Variants in LRMDA observed in about 807,000 individuals in gnomAD.
LRMDA encodes the protein leucine rich melanocyte differentiation associated.
Under a neutral mutation model 29.8 loss-of-function variants are expected in LRMDA, and 18 were observed. That is an observed-to-expected ratio of 0.60 (90% CI 0.42 to 0.90). LRMDA has a LOEUF of 0.90. LRMDA is among the 40% of genes least tolerant of loss of function. LRMDA has a pLI of 0.00. For missense variants in LRMDA, 273 were observed against 273.9 expected, an observed-to-expected ratio of 1.00 and a Z score of 0.02; for synonymous variants, 125 against 109.4, an observed-to-expected ratio of 1.14 and a Z score of -0.89.
chr10:76,467,629 C>T (rs1842577172), intron 6 of LRMDA, among the ~76,000 whole-genome samples: 1 of 152,154 alleles, frequency 6.6e-6, no homozygotes, highest in African/African-American at 2.4e-5. Context: ...TTCTGAATTT[C>T]AGCCTTTGTA....
chr10:76,556,522 T>A (rs1302124614), intron 6 of LRMDA: 1 of 152,128 alleles, frequency 6.6e-6, no homozygotes, highest in Non-Finnish European at 1.5e-5. Context: ...CAGCTAATTT[T>A]TTTAATATTT....
chr10:76,317,701 G>C (rs1343945349), intron 5 of LRMDA, among the ~76,000 whole-genome samples: 1 of 152,126 alleles, frequency 6.6e-6, no homozygotes, highest in Admixed American at 6.5e-5. Flanking sequence ...AGCCTACCAA[G>C]TAACTGGAAC....
intron 6 of LRMDA, among the ~76,000 whole-genome samples, chr10:76,406,680 G>A (rs1158053216): frequency 6.6e-6 from 1 of 152,094 alleles, no homozygotes; most frequent in Non-Finnish European, 1.5e-5. Context: ...GATTCAGGGT[G>A]GGTTGTCAGG....
intron 6 of LRMDA, among the ~76,000 whole-genome samples, chr10:76,435,326 A>G (rs74701553): frequency 1.2e-4 from 19 of 152,216 alleles, no homozygotes; most frequent in African/African-American, 4.3e-4. Flanking sequence ...GTCCTTCCCA[A>G]TGTTCTCACC....
chr10:76,332,014 A>G (rs1187467148), intron 6 of LRMDA, among the ~76,000 whole-genome samples: 1 of 152,194 alleles, frequency 6.6e-6, no homozygotes, highest in Non-Finnish European at 1.5e-5. Flanking sequence ...CTTTCCTTTG[A>G]TTCTAGACCT....
chr10:76,363,759 T>C (rs568154498), intron 6 of LRMDA, among the ~76,000 whole-genome samples: 2 of 152,230 alleles, frequency 1.3e-5, no homozygotes, highest in South Asian at 4.1e-4. Flanking sequence ...AAGGCGAAGT[T>C]ATTTATTCTT....
intron 2 of LRMDA, among the ~76,000 whole-genome samples, chr10:75,868,637 C>A (rs1044612327): frequency 2.6e-5 from 4 of 152,084 alleles, no homozygotes; most frequent in African/African-American, 9.7e-5. Context: ...TTTTCACTTT[C>A]TTAGACTCTG....
At chr10:75,616,240 T>C (rs546496602) in intron 2 of LRMDA, among the ~76,000 whole-genome samples, 1,845 of 146,750 alleles carry the variant, frequency 0.013, 34 homozygotes, top group African/African-American at 0.045. Context: ...ATAGTAGCAG[T>C]AGCAGCAGTA....
chr10:75,684,605 C>T (rs938811106), intron 2 of LRMDA, among the ~76,000 whole-genome samples: 2 of 152,192 alleles, frequency 1.3e-5, no homozygotes, highest in East Asian at 1.9e-4. Context: ...ATGAAGACTC[C>T]CTTCCAGCCT....
At chr10:76,554,223 C>T (rs1365449615) in intron 6 of LRMDA, among the ~76,000 whole-genome samples, 1 of 152,174 alleles carries the variant, frequency 6.6e-6, no homozygotes, top group Non-Finnish European at 1.5e-5. Context: ...GTTAGAGCCG[C>T]AGGCAGCGTT....
intron 5 of LRMDA, among the ~76,000 whole-genome samples, chr10:76,320,748 T>C (rs941857607): frequency 3.3e-5 from 5 of 152,218 alleles, no homozygotes; most frequent in African/African-American, 1.2e-4. Context: ...CTTCTTTAAA[T>C]GAAAGAAAGA....
intron 5 of LRMDA, among the ~76,000 whole-genome samples, chr10:76,154,176 G>A (rs1171909176): frequency 6.6e-6 from 1 of 152,018 alleles, no homozygotes; most frequent in African/African-American, 2.4e-5. Context: ...CTCTTGTTCA[G>A]CTTAATGCTT....
At chr10:76,109,080 T>C (rs1226425508) in intron 5 of LRMDA, among the ~76,000 whole-genome samples, 1 of 152,144 alleles carries the variant, frequency 6.6e-6, no homozygotes, top group Non-Finnish European at 1.5e-5. Context: ...TGGTTGTAGC[T>C]CTCCCTCGCT....
intron 5 of LRMDA, among the ~76,000 whole-genome samples, chr10:76,236,332 G>A (rs2132278389): frequency 6.6e-6 from 1 of 152,248 alleles, no homozygotes; most frequent in East Asian, 1.9e-4. Context: ...CTATAGACAG[G>A]ATTTCTGGAG....
rs545816064 is a variant in LRMDA, at chr10:75,698,370, C to CCTTACA, written c.131+259877_131+259882dup. On this transcript the variant is annotated intron_variant, in intron 2 of 6. Transcript: ENST00000611255. ...TGGCCCTTACCTCAGAGGCCATAGT[C>CCTTACA]CTTACAGTGAGGAACTTGTACCCAG... Among the ~76,000 whole-genome samples, 10 of 152,342 alleles carry CCTTACA rather than the reference C, an allele frequency of 6.6e-5. No homozygotes were observed. The South Asian group carries it at 2.1e-3, about 32-fold the overall frequency.
At chr10:75,524,259 G>T (rs1845391282) in intron 2 of LRMDA, among the ~76,000 whole-genome samples, 1 of 152,146 alleles carries the variant, frequency 6.6e-6, no homozygotes, top group Admixed American at 6.5e-5. Flanking sequence ...TATCATGGGG[G>T]CATTCATCCA....
At chr10:76,318,031 G>A (rs142924769) in intron 5 of LRMDA, among the ~76,000 whole-genome samples, 56 of 152,232 alleles carry the variant, frequency 3.7e-4, no homozygotes, top group South Asian at 1.5e-3. Flanking sequence ...ACTTACAGTT[G>A]TATTAGGTTA....
At chr10:75,968,025 G>A (rs1411904808) in intron 2 of LRMDA, among the ~76,000 whole-genome samples, 2 of 152,136 alleles carry the variant, frequency 1.3e-5, no homozygotes, top group African/African-American at 4.8e-5. Flanking sequence ...ATGATGAGAA[G>A]CCTAGTAGGC....
intron 2 of LRMDA, among the ~76,000 whole-genome samples, chr10:75,527,978 G>A (rs928243096): frequency 6.6e-6 from 1 of 151,796 alleles, no homozygotes; most frequent in African/African-American, 2.4e-5. Context: ...TAGAGACAGG[G>A]TTTCGCCATG....
Sources: allele counts gnomAD v4.1 joint callset (sites outside exome capture counted in the v4.1 genomes callset), GRCh38; gene constraint gnomAD v4.1.1; transcripts MANE v1.5; gene names NCBI Gene and HGNC (gene_info 2026-07-23, HGNC 2026-07-21).